The following LRRK2 variants were observed in gnomAD, a reference collection of about 807,000 sequenced individuals.
LRRK2 encodes leucine-rich repeat serine/threonine-protein kinase 2.
LRRK2 carries 203 observed loss-of-function variants against 302.6 expected under a neutral mutation model. That is an observed-to-expected ratio of 0.67 (90% CI 0.60 to 0.75). The LOEUF (loss-of-function observed/expected upper bound fraction) is 0.75. Ranked by LOEUF, LRRK2 falls within the 30% of genes least tolerant of loss-of-function variation. The probability of loss-of-function intolerance (pLI) is 0.00; values close to 1 mark genes in which losing one functional copy is unlikely to be tolerated. For missense variants in LRRK2, 2,830 were observed against 2,951.0 expected (o/e 0.96, Z 0.95); for synonymous variants, 1,066 against 1,031.9 (o/e 1.03, Z -0.63).
At chr12:40,315,400 G>A in intron 33 of LRRK2, 100 bp downstream of exon 33, 1 of 966,256 alleles carries the variant, frequency 1.0e-6, no homozygotes, top group Non-Finnish European at 1.7e-6. Flanking sequence ...TTTAGTTAAG[G>A]CAGAAACTTT....
At chr12:40,284,209 T>G (rs1943822949) in intron 19 of LRRK2, 76 bp downstream of exon 19, 1 of 1,344,924 alleles carries the variant, frequency 7.4e-7, no homozygotes, top group Non-Finnish European at 1.0e-6. Flanking sequence ...CTTTTAGTGG[T>G]TATTCATGCC....
intron 13 of LRRK2, 75 bp downstream of exon 13, chr12:40,259,679 T>C: frequency 6.4e-7 from 1 of 1,561,750 alleles, no homozygotes; most frequent in Admixed American, 1.7e-5. Context: ...ATAGCAATAT[T>C]CTAGGCAAAT....
At chr12:40,292,269 G>A (rs1944187910) in intron 20 of LRRK2, among the ~76,000 whole-genome samples, 1 of 151,992 alleles carries the variant, frequency 6.6e-6, no homozygotes, top group Admixed American at 6.6e-5. Flanking sequence ...ATAGTCCTAT[G>A]CTGTCTGTTG....
chr12:40,340,543 CAG>C, intron 41 of LRRK2, 89 bp downstream of exon 41: 3 of 1,301,922 alleles, frequency 2.3e-6, no homozygotes, highest in East Asian at 2.3e-5. Context: ...AAAAGGAAAA[CAG>C]AGTCTATCAC....
chr12:40,240,914 G>T (rs1941691888), intron 6 of LRRK2, among the ~76,000 whole-genome samples: 1 of 152,176 alleles, frequency 6.6e-6, no homozygotes, highest in Admixed American at 6.6e-5. Flanking sequence ...AGAAGTGATG[G>T]CAGATGGCAG....
chr12:40,365,599 C>T (rs1946852731), intron 49 of LRRK2: 1 of 149,482 alleles, frequency 6.7e-6, no homozygotes, highest in Non-Finnish European at 1.5e-5. Flanking sequence ...ATATTTTCTG[C>T]ATAAATATAT....
At position 40,367,925 on chromosome 12, in the gene LRRK2, C is replaced by T; in HGVS notation, c.*160C>T. The T allele has an allele frequency of 1.9e-6, 1 of 517,324 alleles. No individual in the cohort carries two copies. The highest frequency in any genetic ancestry group is 2.0e-5 in the African/African-American group (1 of 50,802). The allele number at this position is 517,324 out of a possible 1,614,324, so 32.0% of individuals were successfully genotyped here. A position where few individuals can be genotyped will look rare whatever the true frequency, so the allele number is the denominator to read the frequency against. Reference sequence around the variant, plus strand: ...TTTAATTTAAATATATGTAAAAATACTTACCAGTAAATGTGTATTTTAAAG... The same window carrying T: ...TTTAATTTAAATATATGTAAAAATATTTACCAGTAAATGTGTATTTTAAAG... On this transcript the variant is annotated 3_prime_UTR_variant, in exon 51 of 51. Transcript: ENST00000298910.
intron 19 of LRRK2, 44 bp from the exon 20 acceptor site, chr12:40,287,307 A>C: frequency 6.4e-7 from 1 of 1,562,830 alleles, no homozygotes; most frequent in Non-Finnish European, 8.8e-7. Context: ...TTATTTTTGC[A>C]TAATTGTTGA....
At chr12:40,367,223 A>G (rs987685232) in intron 50 of LRRK2, 146 bp downstream of exon 50, 7 of 699,070 alleles carry the variant, frequency 1.0e-5, no homozygotes, top group East Asian at 2.9e-5. Flanking sequence ...AAGAACTTAG[A>G]CATAAATTTT....
chr12:40,295,692 TG>T, intron 23 of LRRK2, 48 bp downstream of exon 23: 1 of 1,532,250 alleles, frequency 6.5e-7, no homozygotes. Flanking sequence ...GAAGAGCTTT[TG>T]TATTTATATC....
chr12:40,314,280 CG>C, intron 32 of LRRK2, 107 bp downstream of exon 32: 1 of 1,163,264 alleles, frequency 8.6e-7, no homozygotes, highest in Non-Finnish European at 1.3e-6. Context: ...AATATCCATA[CG>C]GTTCTTTAAT....
intron 25 of LRRK2, among the ~76,000 whole-genome samples, chr12:40,301,775 A>G (rs1944635910): frequency 6.6e-6 from 1 of 152,136 alleles, no homozygotes; most frequent in African/African-American, 2.4e-5. Flanking sequence ...TGATCTAGCT[A>G]CACTCTTTTA....
intron 10 of LRRK2, 124 bp downstream of exon 10, chr12:40,251,668 T>A: frequency 1.2e-6 from 1 of 836,048 alleles, no homozygotes; most frequent in East Asian, 2.6e-5. Flanking sequence ...TAGTTTTAGA[T>A]GTTGCTGCAA....
intron 49 of LRRK2, chr12:40,366,086 G>T (rs1270152123): frequency 1.3e-5 from 2 of 151,834 alleles, no homozygotes; most frequent in Non-Finnish European, 2.9e-5. Context: ...ATCAATTGGA[G>T]GATAGCCTAC....
chr12:40,290,490 T>G (rs1019769355), intron 20 of LRRK2, among the ~76,000 whole-genome samples: 1 of 152,060 alleles, frequency 6.6e-6, no homozygotes, highest in Non-Finnish European at 1.5e-5. Context: ...AAATGTCTGA[T>G]AGACTTCACC....
chr12:40,225,495 AGGAGAGGGGGTGCTGT>A, intron 1 of LRRK2, 44 bp from the exon 2 acceptor site: 1 of 1,462,424 alleles, frequency 6.8e-7, no homozygotes, highest in East Asian at 2.3e-5. Flanking sequence ...CAGACTAAAA[AGGAGAGGGGGTGCTGT>A]GGATTGTGAC....
chr12:40,310,889 G>C (rs1196083653), intron 31 of LRRK2, among the ~76,000 whole-genome samples: 1 of 152,078 alleles, frequency 6.6e-6, no homozygotes, highest in Non-Finnish European at 1.5e-5. Flanking sequence ...GACCGTTTCT[G>C]GGATACTGAG....
At position 40,314,006 on chromosome 12, in the gene LRRK2, C is replaced by T. The variant is rs202136451; in HGVS notation, c.4571C>T (p.Pro1524Leu). 19 of 1,611,758 alleles carry T rather than the reference C, an allele frequency of 1.2e-5. No homozygotes were observed. The Admixed American group carries it at 1.8e-4, about 16-fold the overall frequency. The change falls in exon 32 of 51, where the codon CCA (proline) becomes CTA (leucine). Residue 1524 changes from proline to leucine, a missense_variant. Physicochemically the swap from Pro to Leu is moderately conservative, Grantham distance 98. Around this residue, in one of 3 missense-constraint regions of LRRK2, gnomAD observed 2,121 missense variants for 2,148.0 expected, o/e 0.99. Coordinates refer to ENST00000298910, the MANE Select transcript of LRRK2 (RefSeq NM_198578.4). Reference protein sequence around the residue: ...RDQLVVGQLIPDCYVELEKII... With the variant: ...RDQLVVGQLILDCYVELEKII... ...CAGCTTGTTGTTGGACAGCTGATTC[C>T]AGACTGCTATGTAGAACTTGAAAAA...
chr12:40,267,536 C>T (rs1443548082), intron 14 of LRRK2, among the ~76,000 whole-genome samples: 1 of 152,102 alleles, frequency 6.6e-6, no homozygotes, highest in Non-Finnish European at 1.5e-5. Context: ...TGAGGTGTAA[C>T]CTCAGCAGTC....
Sources: allele counts gnomAD v4.1 joint callset (sites outside exome capture counted in the v4.1 genomes callset), GRCh38; gene constraint gnomAD v4.1.1; regional missense constraint gnomAD v4.1.1; transcripts MANE v1.5; gene names NCBI Gene and HGNC (gene_info 2026-07-23, HGNC 2026-07-21).